SEMA5A: variants seen among roughly 807,000 people sequenced by gnomAD.
The protein encoded by SEMA5A is semaphorin 5A, also known as semaphorin-5A.
In SEMA5A, 55 loss-of-function variants were observed where a neutral mutation model predicts 135.5. The ratio of observed to expected loss-of-function variants is 0.41; its 90% CI spans 0.33 to 0.51. The LOEUF (loss-of-function observed/expected upper bound fraction) is 0.51. Among genes scored for constraint, SEMA5A ranks in the 20% least tolerant of loss-of-function variants. SEMA5A has a pLI of 0.37. For missense variants in SEMA5A, 1,290 were observed against 1,419.9 expected (o/e 0.91, Z 1.47); for synonymous variants, 580 against 546.5 (o/e 1.06, Z -0.85).
chr5:9,124,147 T>C (rs1176937350), intron 13 of SEMA5A, among the ~76,000 whole-genome samples: 1 of 151,850 alleles, frequency 6.6e-6, no homozygotes, highest in Non-Finnish European at 1.5e-5. Flanking sequence ...AGGGACCTTA[T>C]GGGGAGGGGT....
intron 10 of SEMA5A, among the ~76,000 whole-genome samples, chr5:9,192,822 T>A (rs1479650): frequency 0.23 from 34,890 of 152,088 alleles, 5,619 homozygotes; most frequent in African/African-American, 0.43. Context: ...GCTGCCTACC[T>A]GCTGGGTGAA....
At chr5:9,098,999 AAC>A (rs1319803156) in intron 16 of SEMA5A, among the ~76,000 whole-genome samples, 4 of 152,228 alleles carry the variant, frequency 2.6e-5, no homozygotes, top group South Asian at 2.1e-4. Flanking sequence ...AGAAATGTAC[AAC>A]AGAGTCTTCC....
chr5:9,426,720 T>C (rs753839849), intron 2 of SEMA5A, among the ~76,000 whole-genome samples: 10 of 152,164 alleles, frequency 6.6e-5, no homozygotes, highest in Non-Finnish European at 1.5e-4. Context: ...GAAATGTTCG[T>C]TCTGGGTGTA....
At position 9,387,827 on chromosome 5, in the gene SEMA5A, T is replaced by C. The variant is rs550972857; in HGVS notation, c.-77-7804A>G. 2.2e-4 allele frequency among the ~76,000 whole-genome samples: 33 copies of C among 152,362 alleles called. No individual in the cohort carries two copies. The South Asian group carries it at 3.9e-3, about 18-fold the overall frequency. ...TGGGAAATACAGTGAAATTAAAGGTTTCTTCTTATTACATTGAGCCCATAA... is the reference window on the plus strand; with the variant it reads ...TGGGAAATACAGTGAAATTAAAGGTCTCTTCTTATTACATTGAGCCCATAA... On this transcript the variant is annotated intron_variant, in intron 2 of 22. Coordinates refer to ENST00000382496, the MANE Select transcript of SEMA5A (RefSeq NM_003966.3).
intron 3 of SEMA5A, among the ~76,000 whole-genome samples, chr5:9,374,181 C>T (rs1561197371): frequency 6.6e-6 from 1 of 152,024 alleles, no homozygotes; most frequent in Non-Finnish European, 1.5e-5. Context: ...ACCTTGCAAA[C>T]ATAGCAAGCT....
At chr5:9,317,055 G>C (rs1035917033) in intron 5 of SEMA5A, among the ~76,000 whole-genome samples, 1 of 152,026 alleles carries the variant, frequency 6.6e-6, no homozygotes, top group Non-Finnish European at 1.5e-5. Context: ...TTGCAGTTTT[G>C]TCTTTCTGTG....
intron 16 of SEMA5A, among the ~76,000 whole-genome samples, chr5:9,083,585 T>TCCA (rs1561135613): frequency 3.0e-5 from 2 of 65,766 alleles, no homozygotes; most frequent in Non-Finnish European, 7.4e-5. Flanking sequence ...CATTCATCCA[T>TCCA]TCATCCATCC....
chr5:9,282,756 C>A (rs981570525), intron 5 of SEMA5A, among the ~76,000 whole-genome samples: 1 of 152,144 alleles, frequency 6.6e-6, no homozygotes, highest in Admixed American at 6.5e-5. Flanking sequence ...CACATGTGCA[C>A]CTCCCCATCC....
chr5:9,058,764 C>T (rs553028465), intron 18 of SEMA5A, among the ~76,000 whole-genome samples: 53 of 152,298 alleles, frequency 3.5e-4, no homozygotes, highest in East Asian at 1.4e-3. Context: ...CACAGTCTCT[C>T]GGGACATGGG....
intron 5 of SEMA5A, among the ~76,000 whole-genome samples, chr5:9,263,039 A>G (rs1749486485): frequency 6.7e-6 from 1 of 149,194 alleles, no homozygotes; most frequent in African/African-American, 2.5e-5. Flanking sequence ...TTCTGTCAAT[A>G]GAAAAAAAAA....
intron 5 of SEMA5A, among the ~76,000 whole-genome samples, chr5:9,255,575 T>C (rs1749024350): frequency 6.6e-6 from 1 of 152,208 alleles, no homozygotes; most frequent in African/African-American, 2.4e-5. Context: ...CTTCTGCCCA[T>C]GGCTCATCCT....
At chr5:9,388,642 G>A (rs1438617480) in intron 2 of SEMA5A, among the ~76,000 whole-genome samples, 2 of 152,176 alleles carry the variant, frequency 1.3e-5, no homozygotes, top group African/African-American at 4.8e-5. Flanking sequence ...GCTCACGCCT[G>A]TAATCCCTGC....
intron 2 of SEMA5A, among the ~76,000 whole-genome samples, chr5:9,407,997 C>T (rs1348001537): frequency 1.6e-5 from 1 of 64,008 alleles, no homozygotes; most frequent in Non-Finnish European, 3.2e-5. Context: ...CTACTGCCAT[C>T]ATCACCATCA....
intron 16 of SEMA5A, among the ~76,000 whole-genome samples, chr5:9,071,646 C>G (rs746468727): frequency 6.6e-5 from 10 of 152,098 alleles, no homozygotes; most frequent in South Asian, 6.2e-4. Flanking sequence ...TCTCATATTT[C>G]ATACATTGCA....
chr5:9,264,021 C>A (rs1749546731), intron 5 of SEMA5A, among the ~76,000 whole-genome samples: 1 of 152,146 alleles, frequency 6.6e-6, no homozygotes, highest in South Asian at 2.1e-4. Flanking sequence ...ATTGGAAACT[C>A]ACATATATGG....
At position 9,537,748 on chromosome 5, in the gene SEMA5A, A is replaced by T. The variant is rs142793159; in HGVS notation, c.-175+7836T>A. Among the ~76,000 whole-genome samples, 811 of 152,352 alleles carry T rather than the reference A, an allele frequency of 5.3e-3. 13 individuals are homozygous for T. Among genetic ancestry groups the T allele is most frequent in the African/African-American group, 0.018 (769 of 41,586 alleles). ...AGGACTTAAAACGCTGTTGATCTCC[A>T]TTTTTGTGAACAAGTAACTAGAAAT... On this transcript the variant is annotated intron_variant, in intron 1 of 22. Coordinates refer to ENST00000382496, the MANE Select transcript of SEMA5A (RefSeq NM_003966.3).
intron 21 of SEMA5A, 78 bp downstream of exon 21, chr5:9,050,329 AATT>A: frequency 2.2e-6 from 3 of 1,336,720 alleles, no homozygotes; most frequent in Non-Finnish European, 3.1e-6. Flanking sequence ...GAGGCAGAAA[AATT>A]ATAGAAAACA....
intron 13 of SEMA5A, among the ~76,000 whole-genome samples, chr5:9,130,325 T>C (rs1297910715): frequency 1.3e-5 from 2 of 152,224 alleles, no homozygotes; most frequent in Non-Finnish European, 2.9e-5. Context: ...ATCTTCCTTT[T>C]TAAAATTTTC....
chr5:9,375,167 T>G (rs1380187860), intron 3 of SEMA5A, among the ~76,000 whole-genome samples: 2 of 152,176 alleles, frequency 1.3e-5, no homozygotes, highest in Non-Finnish European at 2.9e-5. Flanking sequence ...CCCCCAACCC[T>G]GCACTGAAAC....
Sources: allele counts gnomAD v4.1 joint callset (sites outside exome capture counted in the v4.1 genomes callset), GRCh38; gene constraint gnomAD v4.1.1; transcripts MANE v1.5; gene names NCBI Gene and HGNC (gene_info 2026-07-23, HGNC 2026-07-21).